Variants in SUCLG2 observed in about 807,000 individuals in gnomAD.
SUCLG2 encodes the protein succinate--CoA ligase [GDP-forming] subunit beta, mitochondrial.
SUCLG2 carries 42 observed loss-of-function variants against 47.9 expected under a neutral mutation model. The observed-to-expected ratio is 0.88, with a 90% CI of 0.69 to 1.14. The LOEUF is 1.14. SUCLG2 is among the 50% of genes most tolerant of loss of function. The probability of loss-of-function intolerance (pLI) is 0.00; values close to 1 mark genes in which losing one functional copy is unlikely to be tolerated. For missense variants in SUCLG2, 571 were observed against 525.9 expected (o/e 1.09, Z -0.84); for synonymous variants, 195 against 197.3 (o/e 0.99, Z 0.10).
chr3:67,463,652 C>T (rs951851763), intron 9 of SUCLG2, among the ~76,000 whole-genome samples: 3 of 152,168 alleles, frequency 2.0e-5, no homozygotes, highest in African/African-American at 7.2e-5. Context: ...CCTGTTCTCT[C>T]TCAAGAGTTC....
At chr3:67,625,180 G>A (rs1240214480) in intron 1 of SUCLG2, among the ~76,000 whole-genome samples, 1 of 152,194 alleles carries the variant, frequency 6.6e-6, no homozygotes, top group African/African-American at 2.4e-5. Flanking sequence ...ATCAAAGTAT[G>A]CTGTAATGTC....
intron 2 of SUCLG2, among the ~76,000 whole-genome samples, chr3:67,575,179 T>C (rs1489342074): frequency 6.6e-6 from 1 of 152,182 alleles, no homozygotes; most frequent in East Asian, 1.9e-4. Flanking sequence ...GCTAATATCA[T>C]CCAATAATTC....
intron 9 of SUCLG2, among the ~76,000 whole-genome samples, chr3:67,453,202 T>C (rs763068573): frequency 2.0e-5 from 3 of 149,554 alleles, no homozygotes; most frequent in Non-Finnish European, 3.0e-5. Flanking sequence ...TGAAGAAAAT[T>C]ACCTCAGTAC....
At chr3:67,380,237 G>A (rs1423387923) in intron 10 of SUCLG2, among the ~76,000 whole-genome samples, 2 of 151,650 alleles carry the variant, frequency 1.3e-5, no homozygotes, top group Non-Finnish European at 2.9e-5. Flanking sequence ...TGCTGGGAAG[G>A]GCCCAGGAAG....
chr3:67,641,456 A>G (rs2107369533), intron 1 of SUCLG2, among the ~76,000 whole-genome samples: 1 of 152,304 alleles, frequency 6.6e-6, no homozygotes, highest in Non-Finnish European at 1.5e-5. Flanking sequence ...GGTTGGTGCA[A>G]AGTTACAAAT....
intron 1 of SUCLG2, among the ~76,000 whole-genome samples, chr3:67,610,257 C>G (rs1021278354): frequency 6.6e-6 from 1 of 152,262 alleles, no homozygotes. Flanking sequence ...TTTCATCCAC[C>G]AAGGTTGAGT....
intron 1 of SUCLG2, among the ~76,000 whole-genome samples, chr3:67,632,027 G>GTT (rs2107353198): frequency 6.6e-6 from 1 of 152,262 alleles, no homozygotes; most frequent in Admixed American, 6.5e-5. Context: ...TTCAGTAATC[G>GTT]TGTTTCCAGA....
At chr3:67,506,837 G>T (rs1014240396) in intron 7 of SUCLG2, among the ~76,000 whole-genome samples, 3 of 152,208 alleles carry the variant, frequency 2.0e-5, no homozygotes, top group African/African-American at 7.2e-5. Flanking sequence ...TGCCAAACTG[G>T]AGACTACTTC....
At chr3:67,473,053 A>C (rs1704643740) in intron 9 of SUCLG2, among the ~76,000 whole-genome samples, 1 of 152,258 alleles carries the variant, frequency 6.6e-6, no homozygotes, top group Non-Finnish European at 1.5e-5. Flanking sequence ...TGGAAAAAAC[A>C]GTATGATCTA....
At chr3:67,582,859 C>G (rs1304371003) in intron 2 of SUCLG2, among the ~76,000 whole-genome samples, 2 of 151,678 alleles carry the variant, frequency 1.3e-5, no homozygotes, top group Non-Finnish European at 2.9e-5. Flanking sequence ...GAATGACATT[C>G]CCCTCCCCCA....
At chr3:67,443,715 ATG>A (rs1703836035) in intron 9 of SUCLG2, among the ~76,000 whole-genome samples, 1 of 86,848 alleles carries the variant, frequency 1.2e-5, no homozygotes, top group Non-Finnish European at 2.6e-5. Flanking sequence ...CCCATCTGGG[ATG>A]TGAGGAGCGC....
At chr3:67,380,794 T>C (rs776738681) in intron 10 of SUCLG2, among the ~76,000 whole-genome samples, 1 of 151,146 alleles carries the variant, frequency 6.6e-6, no homozygotes, top group Non-Finnish European at 1.5e-5. Flanking sequence ...AAAAGACAGG[T>C]AGAGAATAAG....
At chr3:67,647,864 A>G (rs537119735) in intron 1 of SUCLG2, among the ~76,000 whole-genome samples, 8 of 152,330 alleles carry the variant, frequency 5.3e-5, no homozygotes, top group Admixed American at 2.6e-4. Flanking sequence ...CCTATTTCAC[A>G]TGGCTACTGC....
At position 67,634,417 on chromosome 3, in the gene SUCLG2, T is replaced by A. The variant is rs192637216; in HGVS notation, c.84+20086A>T. Among the ~76,000 whole-genome samples the A allele has an allele frequency of 2.1e-3, 313 of 152,228 alleles. 2 individuals are homozygous for A. Among genetic ancestry groups the A allele is most frequent in the Middle Eastern group, 6.8e-3 (2 of 294 alleles). On this transcript the variant is annotated intron_variant, in intron 1 of 10. Coordinates refer to ENST00000307227, the MANE Select transcript of SUCLG2 (RefSeq NM_003848.4). ...AAATTATATTAAAATTTAAAAAAAA[T>A]TTTTTTAAGAGTATATGCTTCTTTT...
At chr3:67,438,703 T>C (rs1290614520) in intron 9 of SUCLG2, among the ~76,000 whole-genome samples, 1 of 152,174 alleles carries the variant, frequency 6.6e-6, no homozygotes, top group Non-Finnish European at 1.5e-5. Flanking sequence ...GTCGAATCCC[T>C]GAATAGACCA....
chr3:67,494,392 T>C (rs1705277639), intron 9 of SUCLG2, among the ~76,000 whole-genome samples: 1 of 152,136 alleles, frequency 6.6e-6, no homozygotes, highest in South Asian at 2.1e-4. Context: ...CTCCAAGATC[T>C]GAGGGCCTGA....
intron 9 of SUCLG2, among the ~76,000 whole-genome samples, chr3:67,460,066 A>G (rs1449970274): frequency 6.6e-6 from 1 of 152,228 alleles, no homozygotes; most frequent in East Asian, 1.9e-4. Context: ...GAGGTGGAAC[A>G]ATATCATAGA....
chr3:67,386,081 C>T (rs926577638), intron 10 of SUCLG2, among the ~76,000 whole-genome samples: 13 of 152,048 alleles, frequency 8.5e-5, no homozygotes, highest in Admixed American at 5.9e-4. Flanking sequence ...ACAGCAGTAA[C>T]AGACACTTTA....
intron 4 of SUCLG2, among the ~76,000 whole-genome samples, chr3:67,521,773 C>T (rs1298083578): frequency 6.6e-6 from 1 of 151,832 alleles, no homozygotes; most frequent in Non-Finnish European, 1.5e-5. Flanking sequence ...GTGCCTGCCA[C>T]CATGCTTGGC....
Sources: gnomAD v4.1 joint callset for allele counts (sites outside exome capture counted in the v4.1 genomes callset) on GRCh38, gnomAD v4.1.1 for gene constraint, MANE v1.5 for transcripts, NCBI Gene and HGNC (gene_info 2026-07-23, HGNC 2026-07-21) for gene names.